The following CRLS1 variants were observed in gnomAD, a reference collection of about 807,000 sequenced individuals.
CRLS1 encodes cardiolipin synthase 1.
Under a neutral mutation model 37.0 loss-of-function variants are expected in CRLS1, and 24 were observed. That is an observed-to-expected ratio of 0.65 (90% confidence interval 0.47 to 0.91). The LOEUF (loss-of-function observed/expected upper bound fraction) is 0.91. Among genes scored for constraint, CRLS1 ranks in the 40% least tolerant of loss-of-function variants. CRLS1 has a pLI of 0.00. For synonymous variants in CRLS1, 135 were observed against 159.7 expected, an observed-to-expected ratio of 0.85 and a Z score of 1.17; for missense variants, 373 against 395.8, an observed-to-expected ratio of 0.94 and a Z score of 0.49.
rs1233805226 is a variant in CRLS1, at chr20:6,038,048, T to C, written c.*890T>C. 6.6e-6 allele frequency: 1 copy of C among 152,282 alleles called. No individual in the cohort carries two copies. The highest frequency in any genetic ancestry group is 2.4e-5 in the African/African-American group (1 of 41,484). 9.4% of individuals were successfully genotyped at this position (152,282 alleles called of 1,614,324 possible). A position where few individuals can be genotyped will look rare whatever the true frequency, so the allele number is the denominator to read the frequency against. ...AATAAAAGAGCTGGAAAAAAAATTG[T>C]ACCTTCAACTCAGGTTGTTCCATAT... On this transcript the variant is annotated 3_prime_UTR_variant, in exon 7 of 7. Transcript: ENST00000378863.
In CRLS1 at chr20:6,034,492, T is replaced by G; in HGVS notation, c.758T>G (p.Val253Gly). The change falls in exon 6 of 7, where the codon GTG (valine) becomes GGG (glycine). Residue 253 changes from valine (V) to glycine (G), a missense_variant. Val to Gly is a moderately radical substitution (Grantham distance 109). Transcript: ENST00000378863. ...KVNTAVQLILVAASLAAPVFN... is the reference protein window; with the variant it reads ...KVNTAVQLILGAASLAAPVFN... ...AATACAGCAGTCCAGTTAATCTTGG[T>G]GGCAGCTTCTTTGGCAGCTCCAGTT... 6.2e-7 allele frequency: 1 copy of G among 1,613,190 alleles called. No individual in the cohort carries two copies. Among genetic ancestry groups the G allele is most frequent in the Non-Finnish European group, 8.5e-7 (1 of 1,179,916 alleles).
At chr20:6,027,378 C>T (rs1417935350) in intron 3 of CRLS1, among the ~76,000 whole-genome samples, 1 of 151,390 alleles carries the variant, frequency 6.6e-6, no homozygotes, top group Non-Finnish European at 1.5e-5. Context: ...GGCCACCATG[C>T]CTGTTTTTGT....
intron 3 of CRLS1, among the ~76,000 whole-genome samples, chr20:6,021,680 A>G (rs1032514331): frequency 6.6e-6 from 1 of 152,190 alleles, no homozygotes; most frequent in African/African-American, 2.4e-5. Context: ...ATAGTCTTTT[A>G]ACAGAAGCAT....
chr20:6,011,271 A>G (rs189395684), intron 2 of CRLS1, among the ~76,000 whole-genome samples: 10 of 152,296 alleles, frequency 6.6e-5, no homozygotes, highest in African/African-American at 2.2e-4. Flanking sequence ...AACTAGTTTT[A>G]TATTAATAAA....
In CRLS1 at chr20:6,009,761, TC is replaced by T; in HGVS notation, c.307-13del. ...ATAGTATTTTACTTAAATTTTGTTG[TC>T]TTTGTGTTTCAGTATGAAAACCCAT... On this transcript the variant is annotated splice_polypyrimidine_tract_variant and intron_variant, in intron 1 of 6. Coordinates refer to ENST00000378863, the MANE Select transcript of CRLS1 (RefSeq NM_019095.6). The T allele has an allele frequency of 1.9e-6, 3 of 1,600,856 alleles. No individual in the cohort carries two copies. The highest frequency in any genetic ancestry group is 2.6e-6 in the Non-Finnish European group (3 of 1,172,034).
intron 3 of CRLS1, among the ~76,000 whole-genome samples, chr20:6,016,428 A>G (rs1052560176): frequency 1.2e-4 from 18 of 149,176 alleles, no homozygotes; most frequent in African/African-American, 4.5e-4. Flanking sequence ...GTTAGAATTG[A>G]GGTGTGTATG....
chr20:6,008,947 C>G (rs2066812495), intron 1 of CRLS1, among the ~76,000 whole-genome samples: 1 of 152,194 alleles, frequency 6.6e-6, no homozygotes, highest in South Asian at 2.1e-4. Context: ...GTTGAAAGTT[C>G]TGAGTTCTTA....
chr20:6,008,453 G>A (rs1215862864), intron 1 of CRLS1, among the ~76,000 whole-genome samples: 1 of 152,218 alleles, frequency 6.6e-6, no homozygotes, highest in Non-Finnish European at 1.5e-5. Flanking sequence ...TGGCAAGAAG[G>A]GGATGTTCTT....
chr20:6,025,876 G>C (rs1979642330), intron 3 of CRLS1, among the ~76,000 whole-genome samples: 1 of 152,194 alleles, frequency 6.6e-6, no homozygotes, highest in Non-Finnish European at 1.5e-5. Flanking sequence ...TGAGTGAATT[G>C]CTGCAATCTC....
chr20:6,032,059 A>T lies in CRLS1; in HGVS notation c.708A>T (p.Leu236Phe). ...ATCCTTGCTATGCCACTGCTAGGTT[A>T]AAACCAACATTCATCAGCAAGGTAA... ...YFNPCYATAR[L>F]KPTFISKVNT... Residue 236 changes from leucine (L) to phenylalanine (F), a missense_variant, in exon 5 of 7, where the codon TTA becomes TTT. Leu to Phe is a conservative substitution (Grantham distance 22). Transcript: ENST00000378863. 6.2e-7 allele frequency: 1 copy of T among 1,612,800 alleles called. No homozygotes were observed. Among genetic ancestry groups the T allele is most frequent in the African/African-American group, 1.3e-5 (1 of 75,054 alleles).
chr20:6,010,860 T>C (rs375892995), intron 2 of CRLS1, among the ~76,000 whole-genome samples: 6 of 152,146 alleles, frequency 3.9e-5, no homozygotes, highest in African/African-American at 1.4e-4. Flanking sequence ...CTACAAAAAA[T>C]TTAAAAATTA....
At position 6,034,445 on chromosome 20, in the gene CRLS1, T is replaced by C; in HGVS notation, c.730-19T>C. ...CCAGTTGGCACTATTCACTTAGAAC[T>C]TTTTCTTTTTTTATTTAGGTGAATA... On this transcript the variant is annotated intron_variant, in intron 5 of 6. Coordinates refer to ENST00000378863, the MANE Select transcript of CRLS1 (RefSeq NM_019095.6). 1 of 1,587,462 alleles carries C rather than the reference T, an allele frequency of 6.3e-7. No homozygotes were observed. Among genetic ancestry groups the C allele is most frequent in the Non-Finnish European group, 8.6e-7 (1 of 1,161,830 alleles).
In CRLS1 at chr20:6,009,757, G is replaced by C; in HGVS notation, c.307-18G>C. 1 of 1,595,730 alleles carries C rather than the reference G, an allele frequency of 6.3e-7. No homozygotes were observed. The highest frequency in any genetic ancestry group is 8.6e-7 in the Non-Finnish European group (1 of 1,169,058). ...ATTCATAGTATTTTACTTAAATTTTGTTGTCTTTGTGTTTCAGTATGAAAA... is the reference window on the plus strand; with the variant it reads ...ATTCATAGTATTTTACTTAAATTTTCTTGTCTTTGTGTTTCAGTATGAAAA... On this transcript the variant is annotated intron_variant, in intron 1 of 6. Coordinates refer to ENST00000378863, the MANE Select transcript of CRLS1 (RefSeq NM_019095.6).
At chr20:6,028,619 A>T (rs1245922138) in intron 3 of CRLS1, 6 of 152,204 alleles carry the variant, frequency 3.9e-5, no homozygotes, top group African/African-American at 1.4e-4. Context: ...TTTAATGCTA[A>T]TAAAACTTGT....
chr20:6,039,571 A>G lies in CRLS1; in HGVS notation c.*2413A>G, dbSNP rs1428687502. 1.3e-5 allele frequency: 2 copies of G among 152,154 alleles called. No individual in the cohort carries two copies. Among genetic ancestry groups the G allele is most frequent in the East Asian group, 1.9e-4 (1 of 5,202 alleles). The allele number at this position is 152,154 out of a possible 1,614,324, so 9.4% of individuals were successfully genotyped here. A position where few individuals can be genotyped will look rare whatever the true frequency, so the allele number is the denominator to read the frequency against. On this transcript the variant is annotated 3_prime_UTR_variant, in exon 7 of 7. Transcript: ENST00000378863. The stretch of plus-strand genomic sequence containing the variant: ...TCGATTTGTTTTCTTCTTACAGTAG[A>G]AGTAAATGCTCTTGTGGCTTGAATC...
At chr20:6,013,431 G>A (rs1034026619) in intron 2 of CRLS1, among the ~76,000 whole-genome samples, 4 of 152,204 alleles carry the variant, frequency 2.6e-5, no homozygotes, top group Non-Finnish European at 5.9e-5. Context: ...GATGCAAGGG[G>A]AGATGGGGAA....
chr20:6,007,171 T>C lies in CRLS1; in HGVS notation c.306+619T>C, dbSNP rs184573782. ...CCCGAGCATGAGTGTGGGAGAGCTTTTGATGTCATGTTAGCAAGACTCATG... is the reference window on the plus strand; with the variant it reads ...CCCGAGCATGAGTGTGGGAGAGCTTCTGATGTCATGTTAGCAAGACTCATG... On this transcript the variant is annotated intron_variant, in intron 1 of 6. Transcript: ENST00000378863. 11 of 1,315,734 alleles carry C rather than the reference T, an allele frequency of 8.4e-6. 1 individual carries two copies. In the South Asian group the frequency reaches 1.8e-4, roughly 22 times the overall value. 81.5% of individuals were successfully genotyped at this position (1,315,734 alleles called of 1,614,324 possible). A position where few individuals can be genotyped will look rare whatever the true frequency, so the allele number is the denominator to read the frequency against.
At chr20:6,015,236 CAG>C in intron 2 of CRLS1, 123 bp from the exon 3 acceptor site, 1 of 543,566 alleles carries the variant, frequency 1.8e-6, no homozygotes, top group East Asian at 3.2e-5. Flanking sequence ...GGGTAAGAAA[CAG>C]AAGACATTTT....
chr20:6,006,931 T>A, intron 1 of CRLS1: 1 of 612,968 alleles, frequency 1.6e-6, no homozygotes, highest in Non-Finnish European at 2.0e-6. Flanking sequence ...TAGAAAGGTA[T>A]ACAGGCCCTT....
Sources: gnomAD v4.1 joint callset for allele counts (sites outside exome capture counted in the v4.1 genomes callset) on GRCh38, gnomAD v4.1.1 for gene constraint, MANE v1.5 for transcripts, NCBI Gene and HGNC (gene_info 2026-07-23, HGNC 2026-07-21) for gene names.